The following GM2A variants were observed in gnomAD, a reference collection of about 807,000 sequenced individuals.
GM2A encodes ganglioside GM2 activator.
GM2A carries 7 observed loss-of-function variants against 12.9 expected under a neutral mutation model. That is an observed-to-expected ratio of 0.54 (90% CI 0.31 to 1.02). The LOEUF (loss-of-function observed/expected upper bound fraction) is 1.02, where lower values mean the gene tolerates loss of function less well. GM2A is among the 50% of genes least tolerant of loss of function. The probability of loss-of-function intolerance (pLI) is 0.05; values close to 1 mark genes in which losing one functional copy is unlikely to be tolerated. For synonymous variants in GM2A, 101 were observed against 96.0 expected, an observed-to-expected ratio of 1.05 and a Z score of -0.30; for missense variants, 246 against 241.0, an observed-to-expected ratio of 1.02 and a Z score of -0.14.
rs149180405 is a variant in GM2A, at chr5:151,269,975, C to T, written c.*2524C>T. The T allele has an allele frequency of 1.1e-5, 14 of 1,221,030 alleles. No homozygotes were observed. In the East Asian group the frequency reaches 3.9e-4, roughly 34 times the overall value. 75.6% of individuals were successfully genotyped at this position (1,221,030 alleles called of 1,614,324 possible). A position where few individuals can be genotyped will look rare whatever the true frequency, so the allele number is the denominator to read the frequency against. On this transcript the variant is annotated 3_prime_UTR_variant, in exon 4 of 4. Transcript: ENST00000357164. ...TGGCAATGACCTCCACAGCCGTTTC[C>T]CTCTGTTGGATCTTCCAGCCTTATT...
rs1753952886 is a variant in GM2A, at chr5:151,268,882, A to T, written c.*1431A>T. 12 of 985,078 alleles carry T rather than the reference A, an allele frequency of 1.2e-5. No individual in the cohort carries two copies. Among genetic ancestry groups the T allele is most frequent in the Non-Finnish European group, 1.4e-5 (12 of 829,866 alleles). The allele number at this position is 985,078 out of a possible 1,614,324, so 61.0% of individuals were successfully genotyped here. ...GTGCATGCCTTGTCCTCTTAAGACAACTCCTGTGGCACCGTTTCTCCCTCC... is the reference window on the plus strand; with the variant it reads ...GTGCATGCCTTGTCCTCTTAAGACATCTCCTGTGGCACCGTTTCTCCCTCC... On this transcript the variant is annotated 3_prime_UTR_variant, in exon 4 of 4. Transcript: ENST00000357164.
In GM2A at chr5:151,262,434, T is replaced by C. The variant is rs1036053054; in HGVS notation, c.243+2518T>C. Among the ~76,000 whole-genome samples the C allele has an allele frequency of 7.2e-5, 11 of 152,360 alleles. 1 individual carries two copies. The highest frequency in any genetic ancestry group is 2.0e-4 in the Admixed American group (3 of 15,306). On this transcript the variant is annotated intron_variant, in intron 2 of 3. Coordinates refer to ENST00000357164, the MANE Select transcript of GM2A (RefSeq NM_000405.5). ...GAGCAATACCTGAGTTAGAAAATCA[T>C]GTGGAAAGTGCTTTGCACAGGGCCT...
Position 151,268,753 on chromosome 5 carries a change from TA to T in GM2A, c.*1306del. 1.5e-6 allele frequency: 1 copy of T among 650,600 alleles called. No individual in the cohort carries two copies. The highest frequency in any genetic ancestry group is 1.9e-6 in the Non-Finnish European group (1 of 524,080). The allele number at this position is 650,600 out of a possible 1,614,324, so 40.3% of individuals were successfully genotyped here. A position where few individuals can be genotyped will look rare whatever the true frequency, so the allele number is the denominator to read the frequency against. ...ATTTGTATATGAAATCTTACCATTT[TA>T]AAAGATTGGCAGCTAATTATTTTTT... On this transcript the variant is annotated 3_prime_UTR_variant, in exon 4 of 4. Coordinates refer to ENST00000357164, the MANE Select transcript of GM2A (RefSeq NM_000405.5).
rs1169292442 is a variant in GM2A at position 151,266,810 on chromosome 5, T to G, written c.323T>G (p.Phe108Cys). 1.2e-6 allele frequency: 2 copies of G among 1,613,808 alleles called. No individual in the cohort carries two copies. The highest frequency in any genetic ancestry group is 1.7e-6 in the Non-Finnish European group (2 of 1,179,696). ...ACAGACTACATTGGCAGCTGTACCT[T>G]TGAACACTTCTGTGATGTGCTTGAC... ...PCTDYIGSCT[F>C]EHFCDVLDML... Residue 108 changes from phenylalanine (F) to cysteine (C), a missense_variant, in exon 3 of 4, where the codon TTT (phenylalanine) becomes TGT (cysteine). By Grantham distance (205) the Phe-to-Cys change is radical. Coordinates refer to ENST00000357164, the MANE Select transcript of GM2A (RefSeq NM_000405.5).
At chr5:151,255,781 T>C (rs1337489831) in intron 1 of GM2A, among the ~76,000 whole-genome samples, 2 of 152,236 alleles carry the variant, frequency 1.3e-5, no homozygotes, top group Non-Finnish European at 2.9e-5. Context: ...ACCTTGTTCC[T>C]GAATGTTGGC....
At chr5:151,264,443 C>T (rs1314908423) in intron 2 of GM2A, among the ~76,000 whole-genome samples, 3 of 152,234 alleles carry the variant, frequency 2.0e-5, no homozygotes, top group African/African-American at 4.8e-5. Flanking sequence ...GTGGGAGGAG[C>T]CCTGGCAGGA....
In GM2A at chr5:151,267,971, G is replaced by T. The variant is rs983162738; in HGVS notation, c.*520G>T. On this transcript the variant is annotated 3_prime_UTR_variant, in exon 4 of 4. Coordinates refer to ENST00000357164, the MANE Select transcript of GM2A (RefSeq NM_000405.5). ...TAATTTTTATTTCCTTTCTAGATTT[G>T]CCCAATTAATACTAGGGTGCAGTGT... The T allele has an allele frequency of 3.3e-5, 37 of 1,120,642 alleles. No homozygotes were observed. The highest frequency in any genetic ancestry group is 4.0e-5 in the Non-Finnish European group (36 of 910,072). The allele number at this position is 1,120,642 out of a possible 1,614,324, so 69.4% of individuals were successfully genotyped here.
At chr5:151,257,451 C>T (rs1753711982) in intron 1 of GM2A, among the ~76,000 whole-genome samples, 1 of 152,104 alleles carries the variant, frequency 6.6e-6, no homozygotes, top group African/African-American at 2.4e-5. Context: ...CTGTGTGGAT[C>T]AGGCTGCCTT....
At position 151,269,176 on chromosome 5, in the gene GM2A, A is replaced by G; in HGVS notation, c.*1725A>G. 2.0e-6 allele frequency: 2 copies of G among 985,444 alleles called. No individual in the cohort carries two copies. The highest frequency in any genetic ancestry group is 2.4e-6 in the Non-Finnish European group (2 of 829,942). The allele number at this position is 985,444 out of a possible 1,614,324, so 61.0% of individuals were successfully genotyped here. On this transcript the variant is annotated 3_prime_UTR_variant, in exon 4 of 4. Transcript: ENST00000357164. ...TACATCATAACAACTTCTGAAACAC[A>G]CACCAGCCCTGAGTTCTGGGCTCAT...
At chr5:151,255,792 TGA>T (rs2114028322) in intron 1 of GM2A, among the ~76,000 whole-genome samples, 1 of 152,368 alleles carries the variant, frequency 6.6e-6, no homozygotes, top group East Asian at 1.9e-4. Context: ...GAATGTTGGC[TGA>T]GAATGCTTCT....
chr5:151,259,345 G>T (rs1753749458), intron 1 of GM2A, among the ~76,000 whole-genome samples: 1 of 152,176 alleles, frequency 6.6e-6, no homozygotes, highest in Admixed American at 6.5e-5. Flanking sequence ...TCCTGGGTGT[G>T]GGCTGCAGAG....
chr5:151,256,275 T>TAAA (rs199993780), intron 1 of GM2A, among the ~76,000 whole-genome samples: 1 of 151,328 alleles, frequency 6.6e-6, no homozygotes, highest in Admixed American at 6.6e-5. Context: ...GCTTTTTTCC[T>TAAA]AAAAAAAAAT....
intron 2 of GM2A, among the ~76,000 whole-genome samples, chr5:151,264,256 G>T (rs1753845936): frequency 6.6e-6 from 1 of 152,240 alleles, no homozygotes; most frequent in Admixed American, 6.5e-5. Context: ...TTGAGAATAA[G>T]AAATGAGCCA....
At chr5:151,264,197 G>A (rs763064660) in intron 2 of GM2A, among the ~76,000 whole-genome samples, 1 of 152,216 alleles carries the variant, frequency 6.6e-6, no homozygotes, top group Non-Finnish European at 1.5e-5. Flanking sequence ...ACATGCCTGG[G>A]CTCATTACTC....
intron 2 of GM2A, among the ~76,000 whole-genome samples, chr5:151,263,374 A>G (rs1379983528): frequency 1.3e-5 from 2 of 151,418 alleles, no homozygotes; most frequent in African/African-American, 4.8e-5. Flanking sequence ...CCGGCTCCCA[A>G]TATTTCTCGT....
intron 1 of GM2A, 68 bp from the exon 2 acceptor site, chr5:151,259,687 T>G: frequency 6.8e-5 from 101 of 1,479,018 alleles, no homozygotes; most frequent in Non-Finnish European, 8.4e-5. Context: ...ATTTTTCCTG[T>G]GATCTGTGAT....
chr5:151,261,171 C>G (rs571518241), intron 2 of GM2A, among the ~76,000 whole-genome samples: 1 of 152,228 alleles, frequency 6.6e-6, no homozygotes, highest in East Asian at 1.9e-4. Context: ...ACCACAGGTT[C>G]ATGTCACCAT....
chr5:151,256,454 A>G (rs917822449), intron 1 of GM2A, among the ~76,000 whole-genome samples: 1 of 151,890 alleles, frequency 6.6e-6, no homozygotes, highest in Non-Finnish European at 1.5e-5. Context: ...AAAATACAAA[A>G]ATTAGCCAGG....
intron 1 of GM2A, among the ~76,000 whole-genome samples, chr5:151,253,888 T>G (rs1038910622): frequency 2.0e-5 from 3 of 152,164 alleles, no homozygotes; most frequent in Non-Finnish European, 4.4e-5. Context: ...CCTTCACTTC[T>G]CATTCACACC....
Sources: gnomAD v4.1 joint callset for allele counts (sites outside exome capture counted in the v4.1 genomes callset) on GRCh38, gnomAD v4.1.1 for gene constraint, MANE v1.5 for transcripts, NCBI Gene and HGNC (gene_info 2026-07-23, HGNC 2026-07-21) for gene names.